The following FRAS1 variants were observed in gnomAD, a reference collection of about 807,000 sequenced individuals.
FRAS1 encodes extracellular matrix organizing protein FRAS1.
A neutral mutation model predicts 435.2 loss-of-function variants in FRAS1; 290 were observed. The ratio of observed to expected loss-of-function variants is 0.67; its 90% CI spans 0.61 to 0.73. The LOEUF is 0.73. FRAS1 is among the 30% of genes least tolerant of loss of function. The pLI, the probability that FRAS1 is intolerant of heterozygous loss-of-function variation, is 0.00. For synonymous variants in FRAS1, 1,800 were observed against 1,851.0 expected (o/e 0.97, Z 0.71); for missense variants, 4,860 against 5,001.5 (o/e 0.97, Z 0.85).
At chr4:78,518,875 G>A (rs551336972) in intron 66 of FRAS1, among the ~76,000 whole-genome samples, 6 of 152,268 alleles carry the variant, frequency 3.9e-5, no homozygotes, top group East Asian at 3.9e-4. Flanking sequence ...CCTCCCAGGC[G>A]TCTGGATGTG....
intron 2 of FRAS1, among the ~76,000 whole-genome samples, chr4:78,088,047 A>G (rs1050721240): frequency 3.3e-5 from 5 of 151,544 alleles, no homozygotes; most frequent in Non-Finnish European, 7.4e-5. Flanking sequence ...TGGTACTGGT[A>G]CGAAACAGCA....
intron 29 of FRAS1, among the ~76,000 whole-genome samples, chr4:78,394,843 A>G (rs542038288): frequency 6.6e-6 from 1 of 151,986 alleles, no homozygotes; most frequent in Non-Finnish European, 1.5e-5. Flanking sequence ...TAAACATGGG[A>G]TATCTTTGCA....
chr4:78,154,329 C>A (rs1002281982), intron 2 of FRAS1, among the ~76,000 whole-genome samples: 2 of 152,124 alleles, frequency 1.3e-5, no homozygotes, highest in South Asian at 4.1e-4. Flanking sequence ...TGTATTGCCT[C>A]TGTGTAGAAA....
At chr4:78,299,190 G>T (rs1019760200) in intron 14 of FRAS1, among the ~76,000 whole-genome samples, 28 of 152,222 alleles carry the variant, frequency 1.8e-4, no homozygotes, top group African/African-American at 2.4e-5. Context: ...TGCAAGGGGA[G>T]ATAGTGGAAG....
At chr4:78,149,804 G>C (rs1720568714) in intron 2 of FRAS1, among the ~76,000 whole-genome samples, 1 of 152,172 alleles carries the variant, frequency 6.6e-6, no homozygotes, top group South Asian at 2.1e-4. Context: ...AGGAGGCTCA[G>C]TTTTGCCCTG....
chr4:78,430,227 A>G (rs1734157719), intron 36 of FRAS1, 65 bp from the exon 37 acceptor site: 1 of 1,604,570 alleles, frequency 6.2e-7, no homozygotes, highest in Admixed American at 1.7e-5. Context: ...TGCGGTTTTA[A>G]TATATAGTCT....
chr4:78,213,425 A>G (rs1022842918), intron 2 of FRAS1, among the ~76,000 whole-genome samples: 9 of 152,262 alleles, frequency 5.9e-5, no homozygotes, highest in African/African-American at 2.2e-4. Context: ...GCAGTCAGGT[A>G]AACACACTTG....
chr4:78,232,001 G>T (rs1475928778), intron 2 of FRAS1, among the ~76,000 whole-genome samples: 1 of 152,106 alleles, frequency 6.6e-6, no homozygotes, highest in East Asian at 1.9e-4. Context: ...AGATTGGAAA[G>T]GAGGATTTTA....
intron 2 of FRAS1, among the ~76,000 whole-genome samples, chr4:78,089,286 G>T (rs1238270789): frequency 7.1e-6 from 1 of 141,774 alleles, no homozygotes; most frequent in Admixed American, 7.2e-5. Context: ...TTGTGTGGTG[G>T]GGGGAGGGGG....
chr4:78,347,789 T>G (rs567518274), intron 20 of FRAS1, among the ~76,000 whole-genome samples: 78 of 115,064 alleles, frequency 6.8e-4, no homozygotes, highest in East Asian at 2.5e-3. Flanking sequence ...GTGTGTGTGT[T>G]TTTTTTTTTT....
intron 32 of FRAS1, among the ~76,000 whole-genome samples, chr4:78,414,930 G>A (rs1006673754): frequency 6.6e-6 from 1 of 152,156 alleles, no homozygotes; most frequent in African/African-American, 2.4e-5. Flanking sequence ...AAATGGGAGG[G>A]CACCAAATCC....
chr4:78,524,192 T>G (rs534517521), intron 69 of FRAS1, among the ~76,000 whole-genome samples: 2 of 152,284 alleles, frequency 1.3e-5, no homozygotes, highest in East Asian at 3.9e-4. Flanking sequence ...TTCTCCAGAG[T>G]AGAAGGCACA....
rs117701117 is a variant in FRAS1 at position 78,359,669 on chromosome 4, G to A, written c.2423-3844G>A. On this transcript the variant is annotated intron_variant, in intron 20 of 73. Coordinates refer to ENST00000512123, the MANE Select transcript of FRAS1 (RefSeq NM_025074.7). ...GGTGTTCAGCATGACTTTTTAAACC[G>A]TAGAATGAATACAGGTAGTGAACAA... Among the ~76,000 whole-genome samples the A allele has an allele frequency of 5.8e-4, 89 of 152,240 alleles. 1 individual carries two copies. Among genetic ancestry groups the A allele is most frequent in the East Asian group, 2.1e-3 (11 of 5,188 alleles).
intron 58 of FRAS1, among the ~76,000 whole-genome samples, chr4:78,483,768 CTCTCTCTCTCTCTCT>C (rs1720084203): frequency 1.5e-4 from 1 of 6,516 alleles, no homozygotes; most frequent in South Asian, 0.026. Context: ...AAAAAAAAAA[CTCTCTCTCTCTCTCT>C]ATATATATAT....
chr4:78,539,050 A>G (rs937612522), intron 72 of FRAS1, among the ~76,000 whole-genome samples: 1 of 151,902 alleles, frequency 6.6e-6, no homozygotes, highest in African/African-American at 2.4e-5. Flanking sequence ...ATTACTTCCT[A>G]TTGGGTCCCT....
At chr4:78,484,618 T>C in intron 58 of FRAS1, among the ~76,000 whole-genome samples, 1 of 152,202 alleles carries the variant, frequency 6.6e-6, no homozygotes. Context: ...GGTTTGTGAT[T>C]CACAAAACGG....
intron 59 of FRAS1, among the ~76,000 whole-genome samples, chr4:78,495,399 T>A (rs186038333): frequency 1.3e-5 from 2 of 152,272 alleles, no homozygotes; most frequent in East Asian, 3.9e-4. Flanking sequence ...CCATCACACA[T>A]CACCCTAGAT....
In FRAS1 at chr4:78,265,022, A is replaced by T; in HGVS notation, c.604-3A>T. 6.3e-7 allele frequency: 1 copy of T among 1,588,580 alleles called. No homozygotes were observed. Among genetic ancestry groups the T allele is most frequent in the Non-Finnish European group, 8.6e-7 (1 of 1,157,228 alleles). On this transcript the variant is annotated splice_region_variant and splice_polypyrimidine_tract_variant and intron_variant, in intron 6 of 73. Coordinates refer to ENST00000512123, the MANE Select transcript of FRAS1 (RefSeq NM_025074.7). ...ATGGATTGTTCCTGTTCTGCGTGTT[A>T]AGGATGAGACTGTAGTCCGAGTCCC...
intron 2 of FRAS1, among the ~76,000 whole-genome samples, chr4:78,109,535 G>C (rs1742586927): frequency 6.9e-6 from 1 of 144,910 alleles, no homozygotes; most frequent in African/African-American, 2.6e-5. Context: ...AAAAGCCTTT[G>C]ACAAAATTCA....
Sources: allele counts gnomAD v4.1 joint callset (sites outside exome capture counted in the v4.1 genomes callset), GRCh38; gene constraint gnomAD v4.1.1; transcripts MANE v1.5; gene names NCBI Gene and HGNC (gene_info 2026-07-23, HGNC 2026-07-21).